The following PLAAT1 variants were observed in gnomAD, a reference collection of about 807,000 sequenced individuals.
PLAAT1 encodes the protein H-REV107 protein-related protein.
Under a neutral mutation model 16.4 loss-of-function variants are expected in PLAAT1, and 13 were observed. That is an observed-to-expected ratio of 0.79 (90% CI 0.52 to 1.26). PLAAT1 has a LOEUF of 1.26. PLAAT1 is among the 50% of genes most tolerant of loss of function. The pLI is 0.00. For missense variants in PLAAT1, 218 were observed against 207.8 expected (o/e 1.05, Z -0.30); for synonymous variants, 73 against 78.4 (o/e 0.93, Z 0.36).
downstream of PLAAT1, chr3:193,274,732 T>C (rs1717106010): frequency 6.4e-6 from 2 of 311,328 alleles, no homozygotes; most frequent in Non-Finnish European, 1.2e-5. Context: ...TCCATTGATG[T>C]TCATACTACT....
At chr3:193,270,449 C>A (rs1212164656) in intron 3 of PLAAT1, among the ~76,000 whole-genome samples, 155 bp from the exon 4 acceptor site, 1 of 152,182 alleles carries the variant, frequency 6.6e-6, no homozygotes, top group East Asian at 1.9e-4. Context: ...ATTTCTTCAT[C>A]TTTATGCAGA....
rs144492144 is a variant in PLAAT1, at chr3:193,270,663, C to G, written c.465C>G (p.Phe155Leu). The change falls in exon 4 of 4, where the codon TTC (phenylalanine) becomes TTG (leucine). Residue 155 changes from phenylalanine (F) to leucine (L), a missense_variant. Physicochemically the swap from Phe to Leu is conservative, Grantham distance 22 (BLOSUM62 0). Coordinates refer to ENST00000264735, the MANE Select transcript of PLAAT1 (RefSeq NM_020386.5). ...FVTAAVGVFSFLGLFPKGQRA... is the reference protein window; with the variant it reads ...FVTAAVGVFSLLGLFPKGQRA... ...CAGCTGCTGTTGGTGTCTTCTCATTCCTGGGCTTGTTTCCAAAAGGACAAA... is the reference window on the plus strand; with the variant it reads ...CAGCTGCTGTTGGTGTCTTCTCATTGCTGGGCTTGTTTCCAAAAGGACAAA... 10 of 1,613,422 alleles carry G rather than the reference C, an allele frequency of 6.2e-6. No individual in the cohort carries two copies. Among genetic ancestry groups the G allele is most frequent in the Admixed American group, 1.7e-5 (1 of 59,992 alleles).
rs34199975 is a variant in PLAAT1 at position 193,270,069 on chromosome 3, A to AATACACACACACACACAC, written c.406-534_406-533insTACACACACACACACACA. Reference sequence around the variant, plus strand: ...ATTATTTGCTATTTGACATCCCTGAAACACACACACACACACACACACACA... The same window carrying AATACACACACACACACAC: ...ATTATTTGCTATTTGACATCCCTGAAATACACACACACACACACACACACACACACACACACACACACA... On this transcript the variant is annotated intron_variant, in intron 3 of 3. Coordinates refer to ENST00000264735, the MANE Select transcript of PLAAT1 (RefSeq NM_020386.5). Among the ~76,000 whole-genome samples, 201 of 147,990 alleles carry AATACACACACACACACAC rather than the reference A, an allele frequency of 1.4e-3. 2 individuals are homozygous for AATACACACACACACACAC. Among genetic ancestry groups the AATACACACACACACACAC allele is most frequent in the Middle Eastern group, 0.01 (3 of 288 alleles).
Position 193,243,517 on chromosome 3 carries a change from T to C in PLAAT1, c.-1+1984T>C, listed in dbSNP as rs190263644. Among the ~76,000 whole-genome samples, 269 of 152,360 alleles carry C rather than the reference T, an allele frequency of 1.8e-3. 2 individuals are homozygous for C. The highest frequency in any genetic ancestry group is 2.7e-3 in the Non-Finnish European group (181 of 68,042). ...TATTTAAAAACTTCCTGTGGTGTTA[T>C]ATGAAATATGTATTTGCATGCTTTT... is the stretch of plus-strand genomic sequence containing the variant. On this transcript the variant is annotated intron_variant, in intron 1 of 3. Transcript: ENST00000264735.
At chr3:193,262,901 T>C in intron 2 of PLAAT1, 69 bp from the exon 3 acceptor site, 1 of 1,496,670 alleles carries the variant, frequency 6.7e-7, no homozygotes, top group South Asian at 1.2e-5. Context: ...ATTTCCAAAG[T>C]CTTTAGATGG....
chr3:193,277,823 ATTAT>A (rs1717293626), downstream of PLAAT1: 1 of 152,168 alleles, frequency 6.6e-6, no homozygotes, highest in South Asian at 2.1e-4. Context: ...TTGATTTTGA[ATTAT>A]TTGTTTGTTT....
At chr3:193,272,047 G>C (rs910595393), downstream of PLAAT1, among the ~76,000 whole-genome samples, 13 of 152,076 alleles carry the variant, frequency 8.5e-5, no homozygotes, top group African/African-American at 2.9e-4. Flanking sequence ...GGGGGTGTGA[G>C]TGTCTCCTAC....
intron 1 of PLAAT1, among the ~76,000 whole-genome samples, chr3:193,242,892 G>A (rs1031014205): frequency 1.7e-4 from 26 of 152,166 alleles, no homozygotes; most frequent in African/African-American, 5.5e-4. Flanking sequence ...GATCACCTGC[G>A]ATTGTGTTTC....
intron 2 of PLAAT1, among the ~76,000 whole-genome samples, chr3:193,259,536 A>G (rs1169943932): frequency 1.3e-5 from 2 of 152,214 alleles, no homozygotes; most frequent in South Asian, 4.1e-4. Context: ...AATTTTTAGG[A>G]TACAAAATCA....
chr3:193,252,512 T>C (rs56205576), intron 1 of PLAAT1, among the ~76,000 whole-genome samples: 50,337 of 152,008 alleles, frequency 0.33, 8,943 homozygotes, highest in East Asian at 0.55. Flanking sequence ...AGTCTGTCTT[T>C]TCATCTTAAC....
At chr3:193,241,719 A>G (rs1357362295) in intron 1 of PLAAT1, among the ~76,000 whole-genome samples, 186 bp downstream of exon 1, 1 of 152,204 alleles carries the variant, frequency 6.6e-6, no homozygotes, top group East Asian at 1.9e-4. Context: ...TTACACAGCT[A>G]TTAAGTGGCA....
intron 3 of PLAAT1, among the ~76,000 whole-genome samples, chr3:193,268,823 C>A (rs938215498): frequency 6.6e-6 from 1 of 152,136 alleles, no homozygotes; most frequent in South Asian, 2.1e-4. Context: ...CTTTCATTAA[C>A]ATCTTGTGTT....
intron 3 of PLAAT1, 105 bp from the exon 4 acceptor site, chr3:193,270,499 C>T: frequency 1.1e-6 from 1 of 914,076 alleles, no homozygotes; most frequent in Non-Finnish European, 1.6e-6. Flanking sequence ...ATCCATTGTA[C>T]ATTAAAACAG....
intron 1 of PLAAT1, among the ~76,000 whole-genome samples, chr3:193,245,730 C>G (rs192958605): frequency 1.3e-5 from 2 of 152,206 alleles, no homozygotes; most frequent in Non-Finnish European, 2.9e-5. Context: ...GCCCTTCTAA[C>G]AAGCATGAGG....
At chr3:193,269,633 C>T (rs1227706056) in intron 3 of PLAAT1, among the ~76,000 whole-genome samples, 1 of 152,196 alleles carries the variant, frequency 6.6e-6, no homozygotes, top group Non-Finnish European at 1.5e-5. Flanking sequence ...TCCCCAGAGT[C>T]ATTTGGGAAA....
chr3:193,267,218 C>T (rs2367473), intron 3 of PLAAT1, among the ~76,000 whole-genome samples: 58,185 of 151,846 alleles, frequency 0.38, 12,784 homozygotes, highest in Non-Finnish European at 0.48. Flanking sequence ...CATTATCAAC[C>T]AAAGTCCATA....
In PLAAT1 at chr3:193,241,567, C is replaced by T. The variant is rs540987456; in HGVS notation, c.-1+34C>T. On this transcript the variant is annotated intron_variant, in intron 1 of 3. Coordinates refer to ENST00000264735, the MANE Select transcript of PLAAT1 (RefSeq NM_020386.5). ...GGCGGAGTGGGGGAGGACCTCGAGG[C>T]GCCCCGGCAACCAACCGTGTTCTAA... The T allele has an allele frequency of 9.0e-5, 110 of 1,227,228 alleles. No individual in the cohort carries two copies. In the African/African-American group the frequency reaches 1.6e-3, roughly 17 times the overall value. The allele number at this position is 1,227,228 out of a possible 1,614,324, so 76.0% of individuals were successfully genotyped here. A position where few individuals can be genotyped will look rare whatever the true frequency, so the allele number is the denominator to read the frequency against.
chr3:193,269,020 G>GA (rs2108803616), intron 3 of PLAAT1, among the ~76,000 whole-genome samples: 1 of 151,726 alleles, frequency 6.6e-6, no homozygotes, highest in East Asian at 1.9e-4. Flanking sequence ...ACCTTCTTGG[G>GA]ATCTCACTAT....
chr3:193,247,339 A>G (rs935269375), intron 1 of PLAAT1, among the ~76,000 whole-genome samples: 13 of 152,292 alleles, frequency 8.5e-5, no homozygotes, highest in African/African-American at 2.6e-4. Flanking sequence ...ACAGCACACT[A>G]AGGGCCCACA....
Sources: allele counts gnomAD v4.1 joint callset (sites outside exome capture counted in the v4.1 genomes callset), GRCh38; gene constraint gnomAD v4.1.1; transcripts MANE v1.5; gene names NCBI Gene and HGNC (gene_info 2026-07-23, HGNC 2026-07-21).